GRIN3A: variants seen among roughly 807,000 people sequenced by gnomAD.
GRIN3A encodes glutamate ionotropic receptor NMDA type subunit 3A.
Under a neutral mutation model 92.4 loss-of-function variants are expected in GRIN3A, and 47 were observed. The ratio of observed to expected loss-of-function variants is 0.51; its 90% CI spans 0.40 to 0.65. The LOEUF (loss-of-function observed/expected upper bound fraction) is 0.65, where lower values mean the gene tolerates loss of function less well. GRIN3A is among the 30% of genes least tolerant of loss of function. GRIN3A has a pLI of 0.00. For missense variants in GRIN3A, 1,324 were observed against 1,393.1 expected, an observed-to-expected ratio of 0.95 and a Z score of 0.79; for synonymous variants, 527 against 540.6, an observed-to-expected ratio of 0.97 and a Z score of 0.35.
chr9:101,654,334 T>G (rs559362474), intron 3 of GRIN3A, among the ~76,000 whole-genome samples: 1 of 151,432 alleles, frequency 6.6e-6, no homozygotes, highest in Admixed American at 6.6e-5. Flanking sequence ...AAGTACTATA[T>G]TATACATGCT....
At chr9:101,690,800 T>C (rs1829605472) in intron 1 of GRIN3A, among the ~76,000 whole-genome samples, 1 of 152,090 alleles carries the variant, frequency 6.6e-6, no homozygotes, top group African/African-American at 2.4e-5. Context: ...GAGTATTAAA[T>C]TACTGTGTTA....
At chr9:101,613,564 C>T in intron 5 of GRIN3A, 37 bp from the exon 6 acceptor site, 2 of 1,606,776 alleles carry the variant, frequency 1.2e-6, no homozygotes, top group Non-Finnish European at 1.7e-6. Context: ...GTTTTTTACA[C>T]CCTTCCTGAG....
At chr9:101,679,070 T>C (rs1239730443) in intron 2 of GRIN3A, among the ~76,000 whole-genome samples, 3 of 152,210 alleles carry the variant, frequency 2.0e-5, no homozygotes, top group Admixed American at 2.0e-4. Context: ...AAGGTGTTGA[T>C]GTCCCTTCAA....
intron 3 of GRIN3A, among the ~76,000 whole-genome samples, chr9:101,644,038 TCAAAA>T (rs1313337897): frequency 6.6e-6 from 1 of 151,756 alleles, no homozygotes; most frequent in Non-Finnish European, 1.5e-5. Flanking sequence ...TCTTACTATA[TCAAAA>T]CAAAAGTAAC....
At chr9:101,584,902 G>A (rs1426836825) in intron 6 of GRIN3A, among the ~76,000 whole-genome samples, 1 of 152,194 alleles carries the variant, frequency 6.6e-6, no homozygotes, top group Non-Finnish European at 1.5e-5. Flanking sequence ...TGCAGATAAA[G>A]TGTTTCACTC....
chr9:101,675,460 A>C lies in GRIN3A; in HGVS notation c.1305-4353T>G, dbSNP rs181912327. 5.9e-5 allele frequency among the ~76,000 whole-genome samples: 9 copies of C among 152,134 alleles called. No homozygotes were observed. In the East Asian group the frequency reaches 1.7e-3, roughly 29 times the overall value. ...AAGTATTTTCTTATTTATTCATCAT[A>C]AAATGAGCAACACATCACACATTCA... On this transcript the variant is annotated intron_variant, in intron 2 of 8. Coordinates refer to ENST00000361820, the MANE Select transcript of GRIN3A (RefSeq NM_133445.3).
chr9:101,735,526 A>G (rs966633838), intron 1 of GRIN3A, among the ~76,000 whole-genome samples: 1 of 151,784 alleles, frequency 6.6e-6, no homozygotes, highest in Admixed American at 6.6e-5. Flanking sequence ...CTTCCCTTCT[A>G]ACTAAGGAAC....
Position 101,737,360 on chromosome 9 carries a change from A to G in GRIN3A, c.620T>C (p.Met207Thr). Residue 207 changes from methionine (M) to threonine (T), a missense_variant, in exon 1 of 9, where the codon ATG becomes ACG. Met to Thr is a moderately conservative substitution (Grantham distance 81, BLOSUM62 -1). Coordinates refer to ENST00000361820, the MANE Select transcript of GRIN3A (RefSeq NM_133445.3). ...LAFPQSQGEM[M>T]ELDLVSLVLH... ...GACTAAGCTGACCAAGTCGAGCTCC[A>G]TCATTTCGCCCTGGCTCTGGGGGAA... 2 of 1,614,218 alleles carry G rather than the reference A, an allele frequency of 1.2e-6. No individual in the cohort carries two copies. The highest frequency in any genetic ancestry group is 1.7e-6 in the Non-Finnish European group (2 of 1,180,030).
At chr9:101,675,286 G>A (rs1027982929) in intron 2 of GRIN3A, among the ~76,000 whole-genome samples, 5 of 151,870 alleles carry the variant, frequency 3.3e-5, no homozygotes, top group African/African-American at 1.2e-4. Flanking sequence ...TACGTAATTT[G>A]CATAACAGCT....
intron 1 of GRIN3A, among the ~76,000 whole-genome samples, chr9:101,712,489 A>G (rs1389577643): frequency 6.6e-6 from 1 of 152,218 alleles, no homozygotes; most frequent in African/African-American, 2.4e-5. Context: ...TGAGTAGGAA[A>G]TGGTGGGAAA....
At chr9:101,588,434 TTGCTGTGAAGA>T (rs1827976514) in intron 6 of GRIN3A, among the ~76,000 whole-genome samples, 1 of 152,196 alleles carries the variant, frequency 6.6e-6, no homozygotes, top group Non-Finnish European at 1.5e-5. Context: ...ACTGCCCATG[TTGCTGTGAAGA>T]TGCTTCTCTC....
chr9:101,691,820 T>G (rs1317259566), intron 1 of GRIN3A, among the ~76,000 whole-genome samples: 2 of 152,202 alleles, frequency 1.3e-5, no homozygotes, highest in Non-Finnish European at 2.9e-5. Flanking sequence ...GACTTAGTAG[T>G]CAGGGCAACC....
chr9:101,698,241 C>A (rs1174703742), intron 1 of GRIN3A, among the ~76,000 whole-genome samples: 1 of 152,170 alleles, frequency 6.6e-6, no homozygotes, highest in East Asian at 1.9e-4. Flanking sequence ...TTAATATCCT[C>A]ATTTTGTTAG....
chr9:101,669,978 A>G (rs1829295036), intron 3 of GRIN3A, 82 bp downstream of exon 3: 7 of 1,061,818 alleles, frequency 6.6e-6, no homozygotes, highest in Non-Finnish European at 1.0e-5. Context: ...AGATGGAAGA[A>G]CATGAGCATA....
At chr9:101,697,503 T>C (rs528417270) in intron 1 of GRIN3A, among the ~76,000 whole-genome samples, 3 of 152,320 alleles carry the variant, frequency 2.0e-5, no homozygotes, top group South Asian at 2.1e-4. Context: ...TACGTGAGCA[T>C]TGTTACGGAA....
At chr9:101,637,809 C>CTGTA (rs1270711347) in intron 3 of GRIN3A, among the ~76,000 whole-genome samples, 1 of 152,152 alleles carries the variant, frequency 6.6e-6, no homozygotes, top group African/African-American at 2.4e-5. Flanking sequence ...AAACATTATA[C>CTGTA]TGTACTACTT....
intron 1 of GRIN3A, among the ~76,000 whole-genome samples, chr9:101,728,122 T>G (rs937669727): frequency 3.9e-5 from 6 of 152,106 alleles, no homozygotes; most frequent in African/African-American, 1.4e-4. Context: ...AAAATAGCAC[T>G]CCACAACTAA....
chr9:101,632,028 T>G (rs947753566), intron 3 of GRIN3A, among the ~76,000 whole-genome samples: 2 of 152,250 alleles, frequency 1.3e-5, no homozygotes, highest in African/African-American at 4.8e-5. Flanking sequence ...TTCAGCATGT[T>G]TGGCTCCTGC....
At chr9:101,734,483 G>A (rs879527975) in intron 1 of GRIN3A, among the ~76,000 whole-genome samples, 4 of 147,758 alleles carry the variant, frequency 2.7e-5, no homozygotes, top group African/African-American at 4.9e-5. Flanking sequence ...AAAGTATGTA[G>A]TTAACTAACT....
Sources: allele counts gnomAD v4.1 joint callset (sites outside exome capture counted in the v4.1 genomes callset), GRCh38; gene constraint gnomAD v4.1.1; transcripts MANE v1.5; gene names NCBI Gene and HGNC (gene_info 2026-07-23, HGNC 2026-07-21).